The following FAXC variants were observed in gnomAD, a reference collection of about 807,000 sequenced individuals.
FAXC encodes failed axon connections homolog, metaxin like GST domain containing.
A neutral mutation model predicts 41.9 loss-of-function variants in FAXC; 10 were observed. The ratio of observed to expected loss-of-function variants is 0.24; its 90% CI spans 0.15 to 0.41. The LOEUF is 0.41. Ranked by LOEUF, FAXC falls within the 10% of genes least tolerant of loss-of-function variation. The probability of loss-of-function intolerance (pLI) is 1.00; values close to 1 mark genes in which losing one functional copy is unlikely to be tolerated. For synonymous variants in FAXC, 183 were observed against 183.8 expected (o/e 1.00, Z 0.03); for missense variants, 399 against 510.9 (o/e 0.78, Z 2.11).
chr6:99,307,151 G>A (rs1771956790), intron 4 of FAXC, among the ~76,000 whole-genome samples: 1 of 152,064 alleles, frequency 6.6e-6, no homozygotes. Flanking sequence ...TGAATGGTAG[G>A]GTATTATTTA....
At chr6:99,292,498 T>C (rs1395533091) in intron 4 of FAXC, among the ~76,000 whole-genome samples, 2 of 152,188 alleles carry the variant, frequency 1.3e-5, no homozygotes, top group Non-Finnish European at 2.9e-5. Context: ...CACCGGACTA[T>C]CACACTCAAC....
rs1323119066 is a variant in FAXC, at chr6:99,279,800, T to C, written c.*1364A>G. ...AACGGGGATGAGACAGCAAAAACAT[T>C]AAGACTTGTTCTCAGCATTGCTCTC... On this transcript the variant is annotated 3_prime_UTR_variant, in exon 6 of 6. Coordinates refer to ENST00000389677, the MANE Select transcript of FAXC (RefSeq NM_032511.4). 2.0e-5 allele frequency: 3 copies of C among 152,108 alleles called. No homozygotes were observed. Among genetic ancestry groups the C allele is most frequent in the African/African-American group, 7.2e-5 (3 of 41,394 alleles). 9.4% of individuals were successfully genotyped at this position (152,108 alleles called of 1,614,324 possible). A position where few individuals can be genotyped will look rare whatever the true frequency, so the allele number is the denominator to read the frequency against.
At position 99,307,803 on chromosome 6, in the gene FAXC, C is replaced by T. The variant is rs546034861; in HGVS notation, c.823+15641G>A. Among the ~76,000 whole-genome samples, 56 of 152,160 alleles carry T rather than the reference C, an allele frequency of 3.7e-4. 1 individual carries two copies. The South Asian group carries it at 0.011, about 29-fold the overall frequency. ...GATGCCTACAGTGGGATGGGGATTG[C>T]CACAAAGAGGATGAGCCTAAGTCAG... On this transcript the variant is annotated intron_variant, in intron 4 of 5. Coordinates refer to ENST00000389677, the MANE Select transcript of FAXC (RefSeq NM_032511.4).
intron 2 of FAXC, among the ~76,000 whole-genome samples, chr6:99,339,056 T>A (rs1046442397): frequency 6.6e-6 from 1 of 152,294 alleles, no homozygotes; most frequent in South Asian, 2.1e-4. Context: ...CTTAGAAGGA[T>A]CACTGCCACC....
rs979558854 is a variant in FAXC, at chr6:99,273,905, T to C, written c.*7259A>G. ...TACATATATACATATATATCATAAA[T>C]AAATACATGGAGGGGCATGCTCAGA... On this transcript the variant is annotated 3_prime_UTR_variant, in exon 6 of 6. Transcript: ENST00000389677. 3 of 152,066 alleles carry C rather than the reference T, an allele frequency of 2.0e-5. No individual in the cohort carries two copies. Among genetic ancestry groups the C allele is most frequent in the Non-Finnish European group, 4.4e-5 (3 of 68,008 alleles). The allele number at this position is 152,066 out of a possible 1,614,324, so 9.4% of individuals were successfully genotyped here.
chr6:99,326,914 A>G (rs868233303), intron 3 of FAXC, among the ~76,000 whole-genome samples: 2 of 152,192 alleles, frequency 1.3e-5, no homozygotes, highest in Middle Eastern at 3.2e-3. Context: ...AGTAGCAGGC[A>G]TGAAGGGAGA....
intron 4 of FAXC, among the ~76,000 whole-genome samples, chr6:99,293,238 A>G (rs1771315415): frequency 1.3e-5 from 2 of 152,236 alleles, no homozygotes; most frequent in South Asian, 4.1e-4. Context: ...CCCATGTTCC[A>G]GCTGTATCCT....
At chr6:99,298,285 G>A (rs1771577841) in intron 4 of FAXC, among the ~76,000 whole-genome samples, 1 of 151,260 alleles carries the variant, frequency 6.6e-6, no homozygotes, top group African/African-American at 2.4e-5. Flanking sequence ...TCCCCAGGAT[G>A]GTTTTGAACT....
At chr6:99,312,124 G>A (rs1409133726) in intron 4 of FAXC, among the ~76,000 whole-genome samples, 2 of 152,188 alleles carry the variant, frequency 1.3e-5, no homozygotes, top group Non-Finnish European at 2.9e-5. Flanking sequence ...TCTGCTGGAT[G>A]CCTCATGTGT....
chr6:99,322,860 C>A (rs973375962), intron 4 of FAXC, among the ~76,000 whole-genome samples: 1 of 152,124 alleles, frequency 6.6e-6, no homozygotes, highest in Non-Finnish European at 1.5e-5. Flanking sequence ...TTAGTGGTTT[C>A]CCAAACAAAA....
Position 99,280,071 on chromosome 6 carries a change from A to G in FAXC, c.*1093T>C, listed in dbSNP as rs1582607066. 6.6e-6 allele frequency: 1 copy of G among 152,258 alleles called. No homozygotes were observed. Among genetic ancestry groups the G allele is most frequent in the East Asian group, 1.9e-4 (1 of 5,204 alleles). The allele number at this position is 152,258 out of a possible 1,614,324, so 9.4% of individuals were successfully genotyped here. A position where few individuals can be genotyped will look rare whatever the true frequency, so the allele number is the denominator to read the frequency against. ...ATATACCTGAGATTTATTCTTCTCA[A>G]ATAAATCAAACATAGGCAACGTAAC... is the stretch of plus-strand genomic sequence containing the variant. On this transcript the variant is annotated 3_prime_UTR_variant, in exon 6 of 6. Coordinates refer to ENST00000389677, the MANE Select transcript of FAXC (RefSeq NM_032511.4).
At chr6:99,292,426 G>A (rs1157296815) in intron 4 of FAXC, among the ~76,000 whole-genome samples, 1 of 152,140 alleles carries the variant, frequency 6.6e-6, no homozygotes, top group Non-Finnish European at 1.5e-5. Context: ...CCCATGAAAG[G>A]ATGTTTCACA....
rs776330082 is a variant in FAXC at position 99,281,347 on chromosome 6, G to A, written c.1047C>T (p.Ser349=). The A allele has an allele frequency of 2.6e-5, 42 of 1,613,982 alleles. No homozygotes were observed. The highest frequency in any genetic ancestry group is 4.4e-5 in the South Asian group (4 of 91,088). ...DNTIYESEES[S]EGSKTHTPLL... Reference sequence around the variant, plus strand: ...GCGGGGTGTGGGTTTTGCTGCCTTCGCTGCTCTCCTCAGACTCATAGATGG... The same window carrying A: ...GCGGGGTGTGGGTTTTGCTGCCTTCACTGCTCTCCTCAGACTCATAGATGG... The change falls in exon 6 of 6, where the codon AGC becomes AGT. Residue 349 remains serine, a synonymous_variant. Coordinates refer to ENST00000389677, the MANE Select transcript of FAXC (RefSeq NM_032511.4).
chr6:99,280,102 G>A lies in FAXC; in HGVS notation c.*1062C>T, dbSNP rs1192918569. The A allele has an allele frequency of 2.0e-5, 3 of 152,174 alleles. No homozygotes were observed. The highest frequency in any genetic ancestry group is 4.4e-5 in the Non-Finnish European group (3 of 68,038). 9.4% of individuals were successfully genotyped at this position (152,174 alleles called of 1,614,324 possible). On this transcript the variant is annotated 3_prime_UTR_variant, in exon 6 of 6. Transcript: ENST00000389677. ...TCAAACATAGGCAACGTAACACTCT[G>A]GAGTCAACACAGAACATGCCAGGGT...
At chr6:99,293,342 A>G (rs979328418) in intron 4 of FAXC, among the ~76,000 whole-genome samples, 2 of 151,952 alleles carry the variant, frequency 1.3e-5, no homozygotes, top group African/African-American at 4.8e-5. Flanking sequence ...CATGCTGTGC[A>G]CCCTCTCTCT....
intron 4 of FAXC, among the ~76,000 whole-genome samples, chr6:99,319,929 T>G (rs1772530543): frequency 6.6e-6 from 1 of 152,226 alleles, no homozygotes. Context: ...CTCCATTATA[T>G]CAGCTACATA....
intron 4 of FAXC, among the ~76,000 whole-genome samples, chr6:99,295,243 T>C (rs556643086): frequency 5.6e-4 from 85 of 152,344 alleles, no homozygotes; most frequent in Non-Finnish European, 6.6e-4. Context: ...AGGACAGTTA[T>C]GAATGTAAAG....
At chr6:99,320,171 G>A (rs1045872417) in intron 4 of FAXC, among the ~76,000 whole-genome samples, 1 of 152,134 alleles carries the variant, frequency 6.6e-6, no homozygotes, top group East Asian at 1.9e-4. Flanking sequence ...TCGGGTTCAG[G>A]AACTAGTCTT....
chr6:99,291,893 C>T lies in FAXC; in HGVS notation c.824-73G>A, dbSNP rs561243280. On this transcript the variant is annotated intron_variant, in intron 4 of 5. Transcript: ENST00000389677. ...CACATCATCACAATGGCATTTAGCA[C>T]ATTCTATTACATATTCCTTTACTGA... The T allele has an allele frequency of 5.2e-5, 54 of 1,036,570 alleles. No individual in the cohort carries two copies. The African/African-American group carries it at 8.3e-4, about 16-fold the overall frequency. The allele number at this position is 1,036,570 out of a possible 1,614,324, so 64.2% of individuals were successfully genotyped here.
Sources: allele counts gnomAD v4.1 joint callset (sites outside exome capture counted in the v4.1 genomes callset), GRCh38; gene constraint gnomAD v4.1.1; transcripts MANE v1.5; gene names NCBI Gene and HGNC (gene_info 2026-07-23, HGNC 2026-07-21).